ROBO2: variants seen among roughly 807,000 people sequenced by gnomAD.
ROBO2 encodes roundabout guidance receptor 2, also known as roundabout homolog 2.
ROBO2 carries 53 observed loss-of-function variants against 160.8 expected under a neutral mutation model. That is an observed-to-expected ratio of 0.33 (90% CI 0.26 to 0.41). ROBO2 has a LOEUF of 0.41. Among genes scored for constraint, ROBO2 ranks in the 10% least tolerant of loss-of-function variants. ROBO2 has a pLI of 1.00. For missense variants in ROBO2, 1,577 were observed against 1,722.4 expected, an observed-to-expected ratio of 0.92 and a Z score of 1.49; for synonymous variants, 664 against 611.7, an observed-to-expected ratio of 1.09 and a Z score of -1.26.
intron 2 of ROBO2, among the ~76,000 whole-genome samples, chr3:76,835,461 C>T (rs1272027344): frequency 1.4e-5 from 2 of 147,420 alleles, no homozygotes; most frequent in Non-Finnish European, 3.0e-5. Flanking sequence ...TATGTTTGCA[C>T]ATATGTGCAA....
chr3:77,060,724 G>C (rs1488284018), intron 1 of ROBO2, among the ~76,000 whole-genome samples: 1 of 152,102 alleles, frequency 6.6e-6, no homozygotes, highest in East Asian at 1.9e-4. Flanking sequence ...TGTGTTTACA[G>C]GTCAGGCAAA....
At chr3:77,451,067 A>C (rs75524356) in intron 2 of ROBO2, among the ~76,000 whole-genome samples, 4,663 of 152,172 alleles carry the variant, frequency 0.031, 101 homozygotes, top group South Asian at 0.077. Context: ...CACTTTTCAA[A>C]AGTCTAAATG....
intron 2 of ROBO2, among the ~76,000 whole-genome samples, chr3:76,165,722 A>G (rs1157573784): frequency 6.6e-6 from 1 of 152,138 alleles, no homozygotes; most frequent in African/African-American, 2.4e-5. Context: ...GAACACATAG[A>G]GACCATTATA....
chr3:77,304,562 A>G (rs561142611), intron 2 of ROBO2, among the ~76,000 whole-genome samples: 15 of 152,308 alleles, frequency 9.8e-5, no homozygotes, highest in South Asian at 6.2e-4. Context: ...AATGTCAAAC[A>G]TGATTTAAAA....
At chr3:77,330,548 AT>A (rs1281970209) in intron 2 of ROBO2, among the ~76,000 whole-genome samples, 1 of 152,242 alleles carries the variant, frequency 6.6e-6, no homozygotes, top group African/African-American at 2.4e-5. Flanking sequence ...AATAAAGATT[AT>A]ACTTATACTT....
At chr3:77,592,166 C>G (rs1051073971) in intron 17 of ROBO2, among the ~76,000 whole-genome samples, 2 of 152,076 alleles carry the variant, frequency 1.3e-5, no homozygotes, top group Non-Finnish European at 2.9e-5. Flanking sequence ...AAAATTCTGA[C>G]AGAAACAATA....
At chr3:76,375,615 A>G (rs1252568251) in intron 2 of ROBO2, among the ~76,000 whole-genome samples, 1 of 152,024 alleles carries the variant, frequency 6.6e-6, no homozygotes, top group Non-Finnish European at 1.5e-5. Flanking sequence ...AAGGAAAGCA[A>G]CTAAATATTA....
rs948351501 is a variant in ROBO2, at chr3:77,294,434, T to G, written c.389-182980T>G. Among the ~76,000 whole-genome samples the G allele has an allele frequency of 9.6e-5, 13 of 134,924 alleles. 3 individuals are homozygous for G. Among genetic ancestry groups the G allele is most frequent in the African/African-American group, 3.1e-4 (10 of 32,594 alleles). The allele number at this position is 134,924 out of a possible 152,430, so 88.5% of individuals were successfully genotyped here. On this transcript the variant is annotated intron_variant, in intron 2 of 25. Transcript: ENST00000461745. ...TAATGGTAAAACGGGAAGTTGAGCC[T>G]AGATCCCTAAAGACATAAAGTAAAA...
chr3:77,468,781 T>C (rs927220174), intron 2 of ROBO2, among the ~76,000 whole-genome samples: 3 of 152,222 alleles, frequency 2.0e-5, no homozygotes, highest in Non-Finnish European at 4.4e-5. Flanking sequence ...CGCTGGTTTA[T>C]CTGGATCATT....
At chr3:76,412,389 A>G (rs928516146) in intron 2 of ROBO2, among the ~76,000 whole-genome samples, 1 of 152,162 alleles carries the variant, frequency 6.6e-6, no homozygotes, top group African/African-American at 2.4e-5. Context: ...TGCCTTCCCA[A>G]CAGTCCCCCA....
intron 2 of ROBO2, among the ~76,000 whole-genome samples, chr3:77,236,768 T>C (rs189339369): frequency 6.6e-6 from 1 of 152,352 alleles, no homozygotes; most frequent in Admixed American, 6.5e-5. Flanking sequence ...TTTTATCTTT[T>C]CCACAATGTC....
At chr3:76,614,208 A>G (rs965716240) in intron 2 of ROBO2, among the ~76,000 whole-genome samples, 2 of 152,116 alleles carry the variant, frequency 1.3e-5, no homozygotes, top group South Asian at 4.1e-4. Flanking sequence ...TTTTTAAATC[A>G]TAAGTGATAA....
At chr3:76,200,533 A>G (rs995109642) in intron 2 of ROBO2, among the ~76,000 whole-genome samples, 22 of 152,130 alleles carry the variant, frequency 1.4e-4, no homozygotes, top group African/African-American at 4.8e-4. Flanking sequence ...CTTGCACCAA[A>G]TTTGTCAGAA....
chr3:76,998,217 G>C (rs548133866), intron 2 of ROBO2, among the ~76,000 whole-genome samples: 1 of 152,082 alleles, frequency 6.6e-6, no homozygotes, highest in African/African-American at 2.4e-5. Flanking sequence ...TACTTTTGGA[G>C]GACAAATTGA....
intron 2 of ROBO2, among the ~76,000 whole-genome samples, chr3:76,746,286 A>G (rs1277018040): frequency 6.6e-6 from 1 of 151,740 alleles, no homozygotes; most frequent in African/African-American, 2.4e-5. Context: ...TAGTGCCGCA[A>G]TAAACATACG....
intron 5 of ROBO2, among the ~76,000 whole-genome samples, chr3:77,512,560 A>G (rs1441780912): frequency 6.6e-6 from 1 of 151,930 alleles, no homozygotes; most frequent in Non-Finnish European, 1.5e-5. Flanking sequence ...TGTATGTATA[A>G]AAAATCAGTA....
chr3:77,417,489 T>C (rs2077351746), intron 2 of ROBO2, among the ~76,000 whole-genome samples: 1 of 152,074 alleles, frequency 6.6e-6, no homozygotes, highest in Admixed American at 6.6e-5. Flanking sequence ...TCCAAGAACT[T>C]CAATAAAATA....
At chr3:77,424,232 A>C (rs1288140523) in intron 2 of ROBO2, among the ~76,000 whole-genome samples, 1 of 152,202 alleles carries the variant, frequency 6.6e-6, no homozygotes, top group Non-Finnish European at 1.5e-5. Flanking sequence ...ACTGGGATTT[A>C]AAATGAATTT....
At position 77,066,468 on chromosome 3, in the gene ROBO2, A is replaced by G. The variant is rs185603228; in HGVS notation, c.61+25622A>G. On this transcript the variant is annotated intron_variant, in intron 1 of 25. Coordinates refer to ENST00000461745, the Ensembl canonical transcript of ROBO2. ...TTCCTGTATTAATTATAGTCTAATC[A>G]TATAATTTCTTTAAAAATGTGTTAT... 5.1e-3 allele frequency among the ~76,000 whole-genome samples: 771 copies of G among 152,268 alleles called. 6 individuals carry two copies. The highest frequency in any genetic ancestry group is 0.017 in the African/African-American group (723 of 41,566).
Sources: allele counts gnomAD v4.1 joint callset (sites outside exome capture counted in the v4.1 genomes callset), GRCh38; gene constraint gnomAD v4.1.1; transcripts MANE v1.5; gene names NCBI Gene and HGNC (gene_info 2026-07-23, HGNC 2026-07-21).